RIT2: variants seen among roughly 807,000 people sequenced by gnomAD.
The protein encoded by RIT2 is GTP-binding protein Rit2.
A neutral mutation model predicts 23.7 loss-of-function variants in RIT2; 24 were observed. That is an observed-to-expected ratio of 1.01 (90% CI 0.73 to 1.43). RIT2 has a LOEUF of 1.43. Ranked by LOEUF, RIT2 falls within the 40% of genes most tolerant of loss-of-function variation. The probability of loss-of-function intolerance (pLI) is 0.00; values close to 1 mark genes in which losing one functional copy is unlikely to be tolerated. For synonymous variants in RIT2, 107 were observed against 91.1 expected (o/e 1.17, Z -0.99); for missense variants, 236 against 266.9 (o/e 0.88, Z 0.81).
intron 2 of RIT2, among the ~76,000 whole-genome samples, chr18:42,992,716 T>C (rs9966532): frequency 0.96 from 145,966 of 152,158 alleles, 70,280 homozygotes; most frequent in East Asian, 1. Flanking sequence ...GAGCTAAAGG[T>C]ATAGTCAAGG....
At chr18:43,107,189 A>G (rs1452391714) in intron 1 of RIT2, among the ~76,000 whole-genome samples, 2 of 152,168 alleles carry the variant, frequency 1.3e-5, no homozygotes, top group South Asian at 4.1e-4. Flanking sequence ...CATGCTCTAG[A>G]AAGTCAGGAG....
chr18:42,926,089 G>A (rs1909173309), intron 3 of RIT2, among the ~76,000 whole-genome samples: 1 of 151,562 alleles, frequency 6.6e-6, no homozygotes, highest in East Asian at 1.9e-4. Flanking sequence ...ATCTATACCT[G>A]AGAATCTTTT....
chr18:42,764,742 A>T (rs1254216450), intron 4 of RIT2, among the ~76,000 whole-genome samples: 1 of 152,248 alleles, frequency 6.6e-6, no homozygotes, highest in East Asian at 1.9e-4. Flanking sequence ...TCACAAAGTC[A>T]CAGCATCACA....
intron 4 of RIT2, among the ~76,000 whole-genome samples, chr18:42,861,488 C>T (rs1366081805): frequency 6.6e-6 from 1 of 152,180 alleles, no homozygotes; most frequent in Non-Finnish European, 1.5e-5. Context: ...ATTTCAGACT[C>T]TCTAATCCAC....
chr18:42,935,428 G>A lies in RIT2; in HGVS notation c.235-11665C>T, dbSNP rs188864737. On this transcript the variant is annotated intron_variant, in intron 3 of 4. Transcript: ENST00000326695. ...TTTTGTGGCAGTCTTCTGCCTGCAA[G>A]TCTTTCAGATTTTAGCAAACATGGA... Among the ~76,000 whole-genome samples, 133 of 152,224 alleles carry A rather than the reference G, an allele frequency of 8.7e-4. 1 individual carries two copies. In the South Asian group the frequency reaches 0.023, roughly 27 times the overall value.
chr18:43,069,001 T>G (rs538272836), intron 1 of RIT2, among the ~76,000 whole-genome samples: 1 of 152,244 alleles, frequency 6.6e-6, no homozygotes, highest in African/African-American at 2.4e-5. Flanking sequence ...TCTAGACGTT[T>G]CCGGTTAAGG....
intron 3 of RIT2, among the ~76,000 whole-genome samples, chr18:42,929,515 GAGGCTTGA>G (rs1909274673): frequency 6.6e-6 from 1 of 152,092 alleles, no homozygotes; most frequent in South Asian, 2.1e-4. Flanking sequence ...ATTGAAACTG[GAGGCTTGA>G]AGGGTACTTG....
intron 4 of RIT2, among the ~76,000 whole-genome samples, chr18:42,920,996 C>CA (rs1909043023): frequency 6.6e-6 from 1 of 151,534 alleles, no homozygotes; most frequent in Non-Finnish European, 1.5e-5. Flanking sequence ...TACTGATGAA[C>CA]AAAAAGAGTA....
At chr18:42,754,170 T>A (rs1913109881) in intron 4 of RIT2, among the ~76,000 whole-genome samples, 1 of 152,168 alleles carries the variant, frequency 6.6e-6, no homozygotes. Flanking sequence ...CACGTCCCTC[T>A]TTTAGGAGGG....
At chr18:43,078,894 GA>G (rs1392540445) in intron 1 of RIT2, among the ~76,000 whole-genome samples, 1 of 152,134 alleles carries the variant, frequency 6.6e-6, no homozygotes, top group Non-Finnish European at 1.5e-5. Flanking sequence ...CATCCCAGAG[GA>G]GCGGGAAAAG....
chr18:42,854,401 A>G (rs548320393), intron 4 of RIT2, among the ~76,000 whole-genome samples: 1 of 152,266 alleles, frequency 6.6e-6, no homozygotes, highest in Admixed American at 6.5e-5. Context: ...ATCTTGCATG[A>G]TTATCCAGGA....
At chr18:43,105,281 T>A (rs1913786118) in intron 1 of RIT2, among the ~76,000 whole-genome samples, 1 of 152,056 alleles carries the variant, frequency 6.6e-6, no homozygotes, top group African/African-American at 2.4e-5. Flanking sequence ...AATATAAGGA[T>A]CTAGAGAGCA....
intron 4 of RIT2, among the ~76,000 whole-genome samples, chr18:42,892,828 TCA>T (rs1406680867): frequency 5.3e-5 from 8 of 152,298 alleles, no homozygotes; most frequent in Non-Finnish European, 8.8e-5. Context: ...TATACTGAAT[TCA>T]CAGTGTTGTG....
intron 4 of RIT2, among the ~76,000 whole-genome samples, chr18:42,785,781 G>C (rs568244533): frequency 6.6e-6 from 1 of 152,120 alleles, no homozygotes; most frequent in South Asian, 2.1e-4. Context: ...ACAGGGTAGC[G>C]TGCCCAGCAC....
At chr18:42,967,671 G>T (rs760831509) in intron 3 of RIT2, among the ~76,000 whole-genome samples, 2 of 150,076 alleles carry the variant, frequency 1.3e-5, no homozygotes, top group Non-Finnish European at 3.0e-5. Flanking sequence ...GATTACAGGC[G>T]TGAGCCACCA....
chr18:42,932,241 C>T (rs1304346989), intron 3 of RIT2, among the ~76,000 whole-genome samples: 1 of 152,128 alleles, frequency 6.6e-6, no homozygotes, highest in Non-Finnish European at 1.5e-5. Context: ...TCATTAAGTG[C>T]TGGATATACT....
chr18:43,018,937 C>A (rs1911535295), intron 2 of RIT2, among the ~76,000 whole-genome samples: 1 of 151,388 alleles, frequency 6.6e-6, no homozygotes, highest in East Asian at 2.0e-4. Context: ...AGCCATCAAG[C>A]TACAATAATA....
intron 4 of RIT2, among the ~76,000 whole-genome samples, chr18:42,830,531 C>G (rs1392225155): frequency 6.6e-6 from 1 of 152,138 alleles, no homozygotes; most frequent in Non-Finnish European, 1.5e-5. Flanking sequence ...ATATGCTGCC[C>G]ATTCAACAGA....
At chr18:42,920,598 TA>T (rs1236817230) in intron 4 of RIT2, 1 of 758,146 alleles carries the variant, frequency 1.3e-6, no homozygotes. Flanking sequence ...CATAATACAC[TA>T]AAACTCGTTG....
Sources: gnomAD v4.1 joint callset for allele counts (sites outside exome capture counted in the v4.1 genomes callset) on GRCh38, gnomAD v4.1.1 for gene constraint, MANE v1.5 for transcripts, NCBI Gene and HGNC (gene_info 2026-07-23, HGNC 2026-07-21) for gene names.